The following UNC79 variants were observed in gnomAD, a reference collection of about 807,000 sequenced individuals.
The protein encoded by UNC79 is protein unc-79 homolog.
In UNC79, 37 loss-of-function variants were observed where a neutral mutation model predicts 283.1. The observed-to-expected ratio is 0.13, with a 90% confidence interval of 0.10 to 0.17. UNC79 has a LOEUF of 0.17. Ranked by LOEUF, UNC79 falls within the 10% of genes least tolerant of loss-of-function variation. The probability of loss-of-function intolerance (pLI) is 1.00; values close to 1 mark genes in which losing one functional copy is unlikely to be tolerated. For synonymous variants in UNC79, 1,107 were observed against 1,200.2 expected (o/e 0.92, Z 1.61); for missense variants, 2,272 against 3,211.1 (o/e 0.71, Z 7.07).
intron 1 of UNC79, chr14:93,464,626 G>A (rs374697307): frequency 6.6e-6 from 3 of 455,582 alleles, no homozygotes; most frequent in Admixed American, 2.4e-5. Context: ...GGGTGGCCCC[G>A]GGGGGAGTTT....
At chr14:93,432,538 G>C (rs1469496847) in intron 1 of UNC79, among the ~76,000 whole-genome samples, 1 of 152,202 alleles carries the variant, frequency 6.6e-6, no homozygotes, top group African/African-American at 2.4e-5. Context: ...ATAATGACAA[G>C]CATTGCCCAC....
At chr14:93,603,502 G>A (rs1418147804) in intron 26 of UNC79, 84 bp downstream of exon 26, 5 of 1,456,602 alleles carry the variant, frequency 3.4e-6, no homozygotes, top group East Asian at 4.9e-5. Flanking sequence ...TTCACAGAGA[G>A]TATAGCATGT....
At chr14:93,500,546 A>G (rs925352546) in intron 7 of UNC79, among the ~76,000 whole-genome samples, 2 of 152,200 alleles carry the variant, frequency 1.3e-5, no homozygotes, top group African/African-American at 4.8e-5. Flanking sequence ...TGCTTATGAT[A>G]TTATCTAATT....
At chr14:93,700,796 A>T (rs111403599) in intron 47 of UNC79, among the ~76,000 whole-genome samples, 18 of 152,198 alleles carry the variant, frequency 1.2e-4, no homozygotes, top group Non-Finnish European at 2.5e-4. Flanking sequence ...CAGTACTCTC[A>T]TGATGTTCTA....
exon 5 of UNC79, chr14:93,487,682 A>G: frequency 1.2e-6 from 2 of 1,614,004 alleles, no homozygotes; most frequent in Non-Finnish European, 1.7e-6. Flanking sequence ...CAAGGAGAGA[A>G]GGTGTACCTG....
intron 47 of UNC79, among the ~76,000 whole-genome samples, chr14:93,696,473 C>A (rs1354713082): frequency 6.6e-6 from 1 of 152,206 alleles, no homozygotes; most frequent in East Asian, 1.9e-4. Context: ...ACATCTTTGT[C>A]AACACTTGGC....
chr14:93,472,582 A>G (rs2057569469), intron 2 of UNC79, among the ~76,000 whole-genome samples: 1 of 152,112 alleles, frequency 6.6e-6, no homozygotes, highest in Non-Finnish European at 1.5e-5. Context: ...ACAGAAGACA[A>G]AGGAAATCGA....
intron 1 of UNC79, among the ~76,000 whole-genome samples, chr14:93,417,786 T>A (rs1241641914): frequency 6.6e-6 from 1 of 152,044 alleles, no homozygotes; most frequent in East Asian, 1.9e-4. Flanking sequence ...CTTCCATCAC[T>A]GATACCCTTT....
Position 93,545,586 on chromosome 14 carries a change from G to A in UNC79, c.1755+2890G>A, listed in dbSNP as rs527380785. Among the ~76,000 whole-genome samples, 12 of 152,242 alleles carry A rather than the reference G, an allele frequency of 7.9e-5. No homozygotes were observed. The South Asian group carries it at 2.3e-3, about 29-fold the overall frequency. On this transcript the variant is annotated intron_variant, in intron 14 of 48. Transcript: ENST00000555664. ...CTGAGAATTCTGTAATGCAGGTATC[G>A]AATCTGTTTTTCCAAGAGGGCTTTG...
chr14:93,670,565 C>T (rs1046924010), intron 40 of UNC79, among the ~76,000 whole-genome samples: 2 of 152,250 alleles, frequency 1.3e-5, no homozygotes, highest in African/African-American at 4.8e-5. Context: ...CTTCTCTGGG[C>T]ATGCCACCTT....
chr14:93,348,872 A>G (rs1245162510), intron 1 of UNC79, among the ~76,000 whole-genome samples: 2 of 152,260 alleles, frequency 1.3e-5, no homozygotes, highest in Non-Finnish European at 2.9e-5. Context: ...AAGAAAGATA[A>G]AGTACCTCTC....
At chr14:93,637,720 A>C (rs965010393) in intron 32 of UNC79, among the ~76,000 whole-genome samples, 21 of 152,100 alleles carry the variant, frequency 1.4e-4, no homozygotes, top group African/African-American at 4.8e-4. Flanking sequence ...GACCTCCCAA[A>C]GTGCTGGGAT....
chr14:93,559,400 G>A (rs115389690), intron 14 of UNC79, among the ~76,000 whole-genome samples: 7,743 of 152,250 alleles, frequency 0.051, 353 homozygotes, highest in African/African-American at 0.12. Context: ...TTTCATGCAC[G>A]TCTGTGTGAA....
At chr14:93,604,492 A>G (rs1394717294) in intron 26 of UNC79, among the ~76,000 whole-genome samples, 2 of 152,352 alleles carry the variant, frequency 1.3e-5, no homozygotes, top group South Asian at 4.1e-4. Context: ...AGATAATCAC[A>G]GGTGATCATT....
At chr14:93,522,809 T>A (rs111987171) in intron 7 of UNC79, among the ~76,000 whole-genome samples, 1 of 152,112 alleles carries the variant, frequency 6.6e-6, no homozygotes, top group East Asian at 1.9e-4. Context: ...TATTTTTAAA[T>A]GTCAGTCGTT....
intron 46 of UNC79, among the ~76,000 whole-genome samples, chr14:93,693,473 A>T (rs555477188): frequency 1.4e-4 from 21 of 152,352 alleles, no homozygotes; most frequent in African/African-American, 4.6e-4. Flanking sequence ...ATTACAAAAG[A>T]ATTTGAATTA....
At chr14:93,499,211 C>A (rs1252698781) in intron 7 of UNC79, among the ~76,000 whole-genome samples, 1 of 152,076 alleles carries the variant, frequency 6.6e-6, no homozygotes, top group Non-Finnish European at 1.5e-5. Flanking sequence ...GAATTGGTAT[C>A]ATAGGTGCTG....
chr14:93,628,997 G>A (rs989128434), intron 30 of UNC79, among the ~76,000 whole-genome samples: 7 of 152,082 alleles, frequency 4.6e-5, no homozygotes, highest in Admixed American at 1.3e-4. Context: ...TCAGGAGTTC[G>A]AGACCAGTCT....
At chr14:93,610,137 G>T (rs59127075) in intron 26 of UNC79, among the ~76,000 whole-genome samples, 4 of 150,706 alleles carry the variant, frequency 2.7e-5, no homozygotes, top group Non-Finnish European at 4.4e-5. Context: ...TGAGAAGAAG[G>T]GTTTTTAAAT....
Sources: gnomAD v4.1 joint callset for allele counts (sites outside exome capture counted in the v4.1 genomes callset) on GRCh38, gnomAD v4.1.1 for gene constraint, MANE v1.5 for transcripts, NCBI Gene and HGNC (gene_info 2026-07-23, HGNC 2026-07-21) for gene names.